SHOC2: variants seen among roughly 807,000 people sequenced by gnomAD.
SHOC2 encodes the protein SHOC2 leucine rich repeat scaffold protein.
In SHOC2, 4 loss-of-function variants were observed where a neutral mutation model predicts 50.2. The observed-to-expected ratio is 0.08, with a 90% confidence interval of 0.04 to 0.18. The LOEUF (loss-of-function observed/expected upper bound fraction) is 0.18, where lower values mean the gene tolerates loss of function less well. Ranked by LOEUF, SHOC2 falls within the 10% of genes least tolerant of loss-of-function variation. The pLI is 1.00. For synonymous variants in SHOC2, 218 were observed against 244.5 expected (o/e 0.89, Z 1.01); for missense variants, 388 against 669.6 (o/e 0.58, Z 4.64).
chr10:110,936,374 A>C (rs1322361804), intron 1 of SHOC2, among the ~76,000 whole-genome samples: 1 of 151,882 alleles, frequency 6.6e-6, no homozygotes, highest in Non-Finnish European at 1.5e-5. Flanking sequence ...AAGTGCTGGT[A>C]TTACAGGCGT....
At chr10:110,989,078 C>T (rs1848134133) in intron 3 of SHOC2, 4 of 487,316 alleles carry the variant, frequency 8.2e-6, no homozygotes, top group African/African-American at 2.0e-5. Context: ...TCTAATTTAC[C>T]TCCATTGTGG....
chr10:110,925,434 G>A (rs1362323634), intron 1 of SHOC2, among the ~76,000 whole-genome samples: 2 of 151,804 alleles, frequency 1.3e-5, no homozygotes, highest in Non-Finnish European at 2.9e-5. Context: ...TCTTTTTCAC[G>A]CTTTTTTTTG....
At chr10:110,982,676 G>A (rs568240371) in intron 2 of SHOC2, among the ~76,000 whole-genome samples, 2 of 152,046 alleles carry the variant, frequency 1.3e-5, no homozygotes, top group South Asian at 2.1e-4. Context: ...GTCTGTTCAT[G>A]TCCTTTGCCC....
At chr10:110,925,827 C>G (rs1044148132) in intron 1 of SHOC2, among the ~76,000 whole-genome samples, 3 of 152,294 alleles carry the variant, frequency 2.0e-5, no homozygotes, top group African/African-American at 2.4e-5. Flanking sequence ...ATCCCAAACT[C>G]CATTCCCTGC....
intron 1 of SHOC2, among the ~76,000 whole-genome samples, chr10:110,945,136 T>C (rs1847222572): frequency 2.0e-5 from 3 of 152,252 alleles, no homozygotes; most frequent in Admixed American, 2.0e-4. Context: ...ATTCACTGCC[T>C]CAAGTAGATA....
chr10:111,006,611 C>T (rs893868186), intron 5 of SHOC2, among the ~76,000 whole-genome samples: 1 of 152,124 alleles, frequency 6.6e-6, no homozygotes, highest in African/African-American at 2.4e-5. Flanking sequence ...ACCTCGTGAT[C>T]CGCCCGCCTC....
chr10:110,963,356 T>C (rs1460128646), intron 1 of SHOC2, among the ~76,000 whole-genome samples: 2 of 152,190 alleles, frequency 1.3e-5, no homozygotes, highest in Admixed American at 6.5e-5. Context: ...ATACACATCA[T>C]TGGACATTGC....
chr10:110,974,052 C>T (rs1847831814), intron 2 of SHOC2, among the ~76,000 whole-genome samples: 1 of 151,702 alleles, frequency 6.6e-6, no homozygotes, highest in Non-Finnish European at 1.5e-5. Flanking sequence ...TTCCTTATTA[C>T]TTTGGGTTTA....
At chr10:110,983,737 A>G (rs1848027545) in intron 2 of SHOC2, among the ~76,000 whole-genome samples, 1 of 152,140 alleles carries the variant, frequency 6.6e-6, no homozygotes, top group Non-Finnish European at 1.5e-5. Flanking sequence ...GAATTTGACT[A>G]TTCCAGGTAC....
At chr10:110,987,745 G>C (rs775907449) in intron 3 of SHOC2, among the ~76,000 whole-genome samples, 4 of 151,944 alleles carry the variant, frequency 2.6e-5, no homozygotes, top group Non-Finnish European at 5.9e-5. Context: ...AAAAAACATA[G>C]GATATTTAAA....
intron 1 of SHOC2, among the ~76,000 whole-genome samples, chr10:110,930,477 C>T (rs1284946503): frequency 6.6e-6 from 1 of 151,796 alleles, no homozygotes; most frequent in Non-Finnish European, 1.5e-5. Context: ...ATTTAATTAA[C>T]AGTTTTTAGT....
At chr10:110,963,596 T>C (rs532395984) in intron 1 of SHOC2, among the ~76,000 whole-genome samples, 56 of 152,304 alleles carry the variant, frequency 3.7e-4, no homozygotes, top group South Asian at 6.2e-4. Context: ...TAATTGTAGC[T>C]AGAACTGTTT....
At chr10:110,973,861 G>C (rs1037481024) in intron 2 of SHOC2, among the ~76,000 whole-genome samples, 22 of 151,228 alleles carry the variant, frequency 1.5e-4, no homozygotes, top group Non-Finnish European at 3.2e-4. Flanking sequence ...TGCTTTTAAT[G>C]TTCCATATAT....
chr10:110,997,455 AT>A (rs1175444709), intron 3 of SHOC2, among the ~76,000 whole-genome samples: 1 of 152,088 alleles, frequency 6.6e-6, no homozygotes, highest in African/African-American at 2.4e-5. Context: ...GTTTTGATAC[AT>A]TTTCTTTCCC....
In SHOC2 at chr10:111,004,807, T is replaced by C; in HGVS notation, c.1161+13T>C. 1 of 1,557,502 alleles carries C rather than the reference T, an allele frequency of 6.4e-7. No individual in the cohort carries two copies. Among genetic ancestry groups the C allele is most frequent in the South Asian group, 1.1e-5 (1 of 89,768 alleles). On this transcript the variant is annotated intron_variant, in intron 5 of 8. Coordinates refer to ENST00000369452, the MANE Select transcript of SHOC2 (RefSeq NM_007373.4). ...GCTGAATATGAAGGTAAGCATATAT[T>C]TGTTTACTAGGGAAAGGAATTGCTT...
At chr10:110,970,248 C>T (rs1043329524) in intron 2 of SHOC2, among the ~76,000 whole-genome samples, 6 of 152,106 alleles carry the variant, frequency 3.9e-5, no homozygotes, top group Admixed American at 3.3e-4. Flanking sequence ...CTATTCTACT[C>T]GCTACTTCTT....
chr10:111,010,545 G>T (rs936080437), intron 8 of SHOC2, among the ~76,000 whole-genome samples: 3 of 152,092 alleles, frequency 2.0e-5, no homozygotes, highest in African/African-American at 7.2e-5. Flanking sequence ...GGTAGCGGGA[G>T]GGGGGAAGGA....
intron 1 of SHOC2, among the ~76,000 whole-genome samples, chr10:110,943,056 C>T (rs924614499): frequency 6.6e-6 from 1 of 152,162 alleles, no homozygotes; most frequent in African/African-American, 2.4e-5. Context: ...CATCTGCCTT[C>T]ATGTGGATTC....
chr10:110,953,916 AAT>A (rs1411672432), intron 1 of SHOC2, among the ~76,000 whole-genome samples: 1 of 151,052 alleles, frequency 6.6e-6, no homozygotes, highest in Non-Finnish European at 1.5e-5. Flanking sequence ...ATTACTTTTT[AAT>A]ATATTTAACC....
Sources: allele counts gnomAD v4.1 joint callset (sites outside exome capture counted in the v4.1 genomes callset), GRCh38; gene constraint gnomAD v4.1.1; transcripts MANE v1.5; gene names NCBI Gene and HGNC (gene_info 2026-07-23, HGNC 2026-07-21).